RBFOX1: variants seen among roughly 807,000 people sequenced by gnomAD.
RBFOX1 encodes RNA binding protein fox-1 homolog 1.
RBFOX1 carries 8 observed loss-of-function variants against 57.7 expected under a neutral mutation model. The observed-to-expected ratio is 0.14, with a 90% CI of 0.08 to 0.25. The LOEUF (loss-of-function observed/expected upper bound fraction) is 0.25. Among genes scored for constraint, RBFOX1 ranks in the 10% least tolerant of loss-of-function variants. RBFOX1 has a pLI of 1.00. For missense variants in RBFOX1, 611 were observed against 548.5 expected (o/e 1.11, Z -1.14); for synonymous variants, 326 against 222.4 (o/e 1.47, Z -4.15).
chr16:6,516,070 C>A (rs11642365), intron 2 of RBFOX1, among the ~76,000 whole-genome samples: 33,107 of 152,042 alleles, frequency 0.22, 4,149 homozygotes, highest in Non-Finnish European at 0.29. Context: ...ACTCCAATCC[C>A]GGAGCTGGAG....
chr16:6,676,611 A>C (rs12929525), intron 3 of RBFOX1, among the ~76,000 whole-genome samples: 1 of 151,114 alleles, frequency 6.6e-6, no homozygotes, highest in Non-Finnish European at 1.5e-5. Flanking sequence ...AAAGGATACC[A>C]GGAGCCTTTA....
At chr16:7,702,054 C>T (rs767921567) in intron 14 of RBFOX1, among the ~76,000 whole-genome samples, 2 of 152,140 alleles carry the variant, frequency 1.3e-5, no homozygotes, top group South Asian at 2.1e-4. Context: ...TTGTCCTTTC[C>T]TTGAATGGCT....
chr16:7,711,850 A>G lies in RBFOX1; in HGVS notation c.*1105A>G, dbSNP rs561597438. 10 of 152,608 alleles carry G rather than the reference A, an allele frequency of 6.6e-5. No homozygotes were observed. Among genetic ancestry groups the G allele is most frequent in the African/African-American group, 1.9e-4 (8 of 41,446 alleles). The allele number at this position is 152,608 out of a possible 1,614,324, so 9.5% of individuals were successfully genotyped here. On this transcript the variant is annotated 3_prime_UTR_variant, in exon 16 of 16. Coordinates refer to ENST00000550418, the MANE Select transcript of RBFOX1 (RefSeq NM_018723.4). ...TTGCAATCATTGAGTAGAGATAATC[A>G]TGGTATTTTCATCAGCTTGGTACTT...
intron 4 of RBFOX1, among the ~76,000 whole-genome samples, chr16:5,993,391 GAGAGAGAC>G (rs1397401531): frequency 2.4e-4 from 32 of 133,900 alleles, no homozygotes; most frequent in African/African-American, 8.1e-4. Context: ...GTGTGAGAGA[GAGAGAGAC>G]AGAGAGAGAG....
intron 4 of RBFOX1, among the ~76,000 whole-genome samples, chr16:7,132,417 G>T (rs1311786505): frequency 6.7e-6 from 1 of 148,688 alleles, no homozygotes; most frequent in South Asian, 2.1e-4. Flanking sequence ...AAAGGTTGAA[G>T]AAATTGTGAT....
chr16:6,475,066 T>A (rs1243584228), intron 2 of RBFOX1, among the ~76,000 whole-genome samples: 1 of 152,212 alleles, frequency 6.6e-6, no homozygotes, highest in Non-Finnish European at 1.5e-5. Context: ...GTGCTTATAA[T>A]GTTTTAGTTC....
At chr16:6,559,640 AT>A (rs1249416763) in intron 2 of RBFOX1, among the ~76,000 whole-genome samples, 1 of 152,052 alleles carries the variant, frequency 6.6e-6, no homozygotes, top group African/African-American at 2.4e-5. Context: ...ACACACACAC[AT>A]ATATGTGAAT....
chr16:6,055,784 G>A (rs1355505351), intron 1 of RBFOX1, among the ~76,000 whole-genome samples: 1 of 152,020 alleles, frequency 6.6e-6, no homozygotes, highest in Non-Finnish European at 1.5e-5. Context: ...GATGAGTACA[G>A]TAAAATAAAT....
At chr16:6,806,786 C>G (rs1384752711) in intron 3 of RBFOX1, among the ~76,000 whole-genome samples, 6 of 124,252 alleles carry the variant, frequency 4.8e-5, no homozygotes, top group African/African-American at 1.4e-4. Context: ...TTTCTCTTTC[C>G]TTTTCATTTA....
intron 3 of RBFOX1, among the ~76,000 whole-genome samples, chr16:6,817,521 C>A (rs1485582404): frequency 7.0e-6 from 1 of 143,334 alleles, no homozygotes; most frequent in East Asian, 2.0e-4. Flanking sequence ...TGGTGAAACC[C>A]TTTCTTTGCT....
intron 1 of RBFOX1, among the ~76,000 whole-genome samples, chr16:6,296,920 A>T (rs1229656431): frequency 1.3e-5 from 2 of 152,166 alleles, no homozygotes; most frequent in Non-Finnish European, 2.9e-5. Flanking sequence ...TTTATTAGGA[A>T]ATTAAAGGAA....
chr16:6,501,193 G>T (rs1156305971), intron 2 of RBFOX1, among the ~76,000 whole-genome samples: 3 of 148,388 alleles, frequency 2.0e-5, no homozygotes, highest in East Asian at 4.0e-4. Flanking sequence ...ACAACGTGCA[G>T]GTTTGTTACA....
chr16:6,695,258 G>A (rs1437071144), intron 3 of RBFOX1, among the ~76,000 whole-genome samples: 3 of 151,692 alleles, frequency 2.0e-5, no homozygotes, highest in South Asian at 2.1e-4. Context: ...CGTCTCTACT[G>A]AAAATAAAAA....
chr16:6,100,146 TTTG>T (rs1056536784), intron 1 of RBFOX1, among the ~76,000 whole-genome samples: 6 of 151,546 alleles, frequency 4.0e-5, no homozygotes, highest in South Asian at 2.1e-4. Context: ...TATTGTTTTT[TTTG>T]TTGTTGTTTT....
intron 4 of RBFOX1, among the ~76,000 whole-genome samples, chr16:7,144,684 C>G (rs185838325): frequency 6.6e-6 from 1 of 152,098 alleles, no homozygotes; most frequent in African/African-American, 2.4e-5. Flanking sequence ...GGTTTTCACT[C>G]TGCAGAGCAG....
At chr16:6,338,840 A>G (rs368795996) in intron 2 of RBFOX1, among the ~76,000 whole-genome samples, 1 of 152,252 alleles carries the variant, frequency 6.6e-6, no homozygotes, top group Non-Finnish European at 1.5e-5. Flanking sequence ...AAGGAACTTA[A>G]TCTTTTATTT....
intron 3 of RBFOX1, among the ~76,000 whole-genome samples, chr16:5,823,993 C>T (rs1019316069): frequency 2.0e-5 from 3 of 152,070 alleles, no homozygotes; most frequent in Non-Finnish European, 4.4e-5. Flanking sequence ...GGCTGGGAAC[C>T]ACTGATCTAT....
intron 1 of RBFOX1, among the ~76,000 whole-genome samples, chr16:6,138,728 T>G (rs8046558): frequency 1 from 152,185 of 152,186 alleles, 76,092 homozygotes; most frequent in Non-Finnish European, 1. Context: ...TTAGCAAGGG[T>G]TGGTGGCAGG....
intron 4 of RBFOX1, among the ~76,000 whole-genome samples, chr16:7,101,728 A>G (rs2062727054): frequency 6.6e-6 from 1 of 152,136 alleles, no homozygotes; most frequent in Admixed American, 6.5e-5. Flanking sequence ...TGCTTGCCGC[A>G]GAAGACAAGT....
Sources: allele counts gnomAD v4.1 joint callset (sites outside exome capture counted in the v4.1 genomes callset), GRCh38; gene constraint gnomAD v4.1.1; transcripts MANE v1.5; gene names NCBI Gene and HGNC (gene_info 2026-07-23, HGNC 2026-07-21).